The following HOXB3 variants were observed in gnomAD, a reference collection of about 807,000 sequenced individuals.
HOXB3 encodes homeobox B3.
HOXB3 carries 17 observed loss-of-function variants against 29.2 expected under a neutral mutation model. The observed-to-expected ratio is 0.58, with a 90% CI of 0.40 to 0.87. HOXB3 has a LOEUF of 0.87. Among genes scored for constraint, HOXB3 ranks in the 40% least tolerant of loss-of-function variants. HOXB3 has a pLI of 0.00. For synonymous variants in HOXB3, 317 were observed against 285.9 expected, an observed-to-expected ratio of 1.11 and a Z score of -1.10; for missense variants, 637 against 616.3, an observed-to-expected ratio of 1.03 and a Z score of -0.35.
Position 48,551,008 on chromosome 17 carries a change from G to T in HOXB3, c.622C>A (p.His208Asn). ...AQLVELEKEF[H>N]FNRYLCRPRR... ...GGCCGGCACAGGTAGCGGTTAAAAT[G>T]GAACTCCTTCTCCAGCTCCACCAGC... Residue 208 changes from histidine to asparagine, a missense_variant, in exon 5 of 5, where the codon CAT becomes AAT. By Grantham distance (68) the His-to-Asn change is moderately conservative. Coordinates refer to ENST00000498678, the MANE Select transcript of HOXB3 (RefSeq NM_001384749.1). 1 of 1,612,890 alleles carries T rather than the reference G, an allele frequency of 6.2e-7. No homozygotes were observed. Among genetic ancestry groups the T allele is most frequent in the South Asian group, 1.1e-5 (1 of 91,060 alleles).
chr17:48,584,276 C>T (rs1218179520), intron 1 of HOXB3, among the ~76,000 whole-genome samples: 1 of 152,156 alleles, frequency 6.6e-6, no homozygotes, highest in African/African-American at 2.4e-5. Flanking sequence ...CAAATGGAGG[C>T]TTGGGAGAGA....
rs2068711754 is a variant in HOXB3, at chr17:48,550,979, G to A, written c.651C>T (p.Arg217=). 2 of 1,613,792 alleles carry A rather than the reference G, an allele frequency of 1.2e-6. No homozygotes were observed. Among genetic ancestry groups the A allele is most frequent in the Non-Finnish European group, 8.5e-7 (1 of 1,179,832 alleles). The change falls in exon 5 of 5, where the codon CGC becomes CGT. Residue 217 remains arginine (R), a synonymous_variant. Transcript: ENST00000498678. The part of the protein sequence containing the change: ...FHFNRYLCRP[R]RVEMANLLNL... ...TCAGCAGGTTGGCCATCTCTACACG[G>A]CGAGGCCGGCACAGGTAGCGGTTAA...
chr17:48,550,564 C>T lies in HOXB3; in HGVS notation c.1066G>A (p.Gly356Ser), dbSNP rs369641305. ...MQGSPVYVGG[G>S]GYADPLPPPA... ...GGCGGCAGCGGATCCGCGTAGCCGCCCCCGCCCACGTACACCGGACTGCCC... is the reference window on the plus strand; with the variant it reads ...GGCGGCAGCGGATCCGCGTAGCCGCTCCCGCCCACGTACACCGGACTGCCC... Residue 356 changes from glycine to serine, a missense_variant, in exon 5 of 5, where the codon GGC (glycine) becomes AGC (serine). Transcript: ENST00000498678. 37 of 1,523,386 alleles carry T rather than the reference C, an allele frequency of 2.4e-5. No homozygotes were observed. In the African/African-American group the frequency reaches 3.8e-4, roughly 15 times the overall value. 94.4% of individuals were successfully genotyped at this position (1,523,386 alleles called of 1,614,324 possible).
At chr17:48,555,374 G>A (rs1254168486) in intron 3 of HOXB3, 157 bp downstream of exon 3, 9 of 624,316 alleles carry the variant, frequency 1.4e-5, no homozygotes, top group Non-Finnish European at 2.3e-5. Flanking sequence ...GGGAGGGAGG[G>A]AGGGAGGGAG....
chr17:48,550,526 G>T lies in HOXB3; in HGVS notation c.1104C>A (p.Pro368=), dbSNP rs2068680815. The change falls in exon 5 of 5, where the codon CCC becomes CCA. Residue 368 remains proline, a synonymous_variant. Coordinates refer to ENST00000498678, the MANE Select transcript of HOXB3 (RefSeq NM_001384749.1). ...AAAGGTGGTTGAGGCCATAGAGGGA[G>T]GGGCCGGCAGGGGGCGGCAGCGGAT... ...YADPLPPPAG[P]SLYGLNHLSH... 1.3e-6 allele frequency: 2 copies of T among 1,560,034 alleles called. No individual in the cohort carries two copies. The highest frequency in any genetic ancestry group is 1.7e-6 in the Non-Finnish European group (2 of 1,161,986).
intron 2 of HOXB3, among the ~76,000 whole-genome samples, chr17:48,569,784 C>T (rs551889641): frequency 1.1e-4 from 17 of 152,244 alleles, no homozygotes; most frequent in African/African-American, 3.9e-4. Flanking sequence ...TTTTCTGGTA[C>T]CTTTTGAAGG....
chr17:48,560,901 G>A (rs564434222), intron 2 of HOXB3, among the ~76,000 whole-genome samples: 85 of 152,268 alleles, frequency 5.6e-4, no homozygotes, highest in Non-Finnish European at 1.0e-3. Context: ...TTCAGTCCCT[G>A]GGCTGGGGTA....
intron 2 of HOXB3, among the ~76,000 whole-genome samples, chr17:48,558,658 G>A (rs1384051838): frequency 6.6e-6 from 1 of 152,122 alleles, no homozygotes; most frequent in African/African-American, 2.4e-5. Context: ...TTGGACTGAG[G>A]TGTTGCTGCT....
intron 1 of HOXB3, among the ~76,000 whole-genome samples, chr17:48,589,231 A>G (rs978235227): frequency 1.3e-5 from 2 of 151,988 alleles, no homozygotes; most frequent in Non-Finnish European, 2.9e-5. Context: ...CACCTTTCCT[A>G]TTTTCTCTTC....
chr17:48,556,011 A>ACC (rs113409978), intron 2 of HOXB3, among the ~76,000 whole-genome samples: 1 of 147,354 alleles, frequency 6.8e-6, no homozygotes, highest in African/African-American at 2.5e-5. Context: ...ACAAGCTCAC[A>ACC]CCCCCCCACC....
At position 48,549,219 on chromosome 17, in the gene HOXB3, A is replaced by G. The variant is rs187506341; in HGVS notation, c.*1115T>C. 20 of 152,770 alleles carry G rather than the reference A, an allele frequency of 1.3e-4. No homozygotes were observed. Among genetic ancestry groups the G allele is most frequent in the African/African-American group, 4.6e-4 (19 of 41,578 alleles). The allele number at this position is 152,770 out of a possible 1,614,324, so 9.5% of individuals were successfully genotyped here. A position where few individuals can be genotyped will look rare whatever the true frequency, so the allele number is the denominator to read the frequency against. On this transcript the variant is annotated 3_prime_UTR_variant, in exon 5 of 5. Transcript: ENST00000498678. ...TTTCCCTCATATAAATACATAATGTAGGGGGATAAATAATACAAAAAAGAA... is the reference window on the plus strand; with the variant it reads ...TTTCCCTCATATAAATACATAATGTGGGGGGATAAATAATACAAAAAAGAA...
intron 2 of HOXB3, among the ~76,000 whole-genome samples, chr17:48,571,442 C>T (rs2069583641): frequency 6.6e-6 from 1 of 152,176 alleles, no homozygotes; most frequent in African/African-American, 2.4e-5. Context: ...GCCGAGGGAA[C>T]TGGGGAGAAA....
At chr17:48,578,081 G>T in intron 1 of HOXB3, 1 of 1,054,010 alleles carries the variant, frequency 9.5e-7, no homozygotes, top group Non-Finnish European at 1.2e-6. Flanking sequence ...GGGCGGCGGG[G>T]GTGGTGGCGG....
At chr17:48,579,856 C>T in intron 1 of HOXB3, 1 of 512,316 alleles carries the variant, frequency 2.0e-6, no homozygotes. Context: ...GTGTTTATGT[C>T]AACTACATAT....
At chr17:48,570,020 C>T (rs2069531782) in intron 2 of HOXB3, among the ~76,000 whole-genome samples, 1 of 152,192 alleles carries the variant, frequency 6.6e-6, no homozygotes, top group Admixed American at 6.5e-5. Context: ...CTCATTTCCC[C>T]CCCTTCCCAA....
At position 48,573,855 on chromosome 17, in the gene HOXB3, C is replaced by T. The variant is rs1035091408; in HGVS notation, c.-265G>A. On this transcript the variant is annotated 5_prime_UTR_variant, in exon 2 of 5. Transcript: ENST00000498678. ...TTGTTACCTTTGCGCCTCTCGCCTCCTCTCGCCCGAACTCTGCAGATCCCA... is the reference window on the plus strand; with the variant it reads ...TTGTTACCTTTGCGCCTCTCGCCTCTTCTCGCCCGAACTCTGCAGATCCCA... 8.5e-6 allele frequency: 6 copies of T among 702,330 alleles called. No homozygotes were observed. Among genetic ancestry groups the T allele is most frequent in the East Asian group, 8.0e-5 (3 of 37,282 alleles). The allele number at this position is 702,330 out of a possible 1,614,324, so 43.5% of individuals were successfully genotyped here.
At chr17:48,586,309 A>G (rs1005352519) in intron 1 of HOXB3, among the ~76,000 whole-genome samples, 3 of 152,330 alleles carry the variant, frequency 2.0e-5, no homozygotes, top group Non-Finnish European at 2.9e-5. Flanking sequence ...AATTGCCCGA[A>G]GTCCAATACT....
At chr17:48,560,170 T>G (rs1597827317) in intron 2 of HOXB3, 1 of 151,976 alleles carries the variant, frequency 6.6e-6, no homozygotes, top group Non-Finnish European at 1.5e-5. Context: ...CTGCAGGGGG[T>G]GCTGGGAAAG....
At chr17:48,566,780 G>A (rs1261686862) in intron 2 of HOXB3, among the ~76,000 whole-genome samples, 1 of 152,098 alleles carries the variant, frequency 6.6e-6, no homozygotes, top group East Asian at 1.9e-4. Flanking sequence ...CCAAGACTTT[G>A]CCCTAACTCT....
Sources: allele counts gnomAD v4.1 joint callset (sites outside exome capture counted in the v4.1 genomes callset), GRCh38; gene constraint gnomAD v4.1.1; transcripts MANE v1.5; gene names NCBI Gene and HGNC (gene_info 2026-07-23, HGNC 2026-07-21).